KLHL13: variants seen among roughly 807,000 people sequenced by gnomAD.
The protein encoded by KLHL13 is kelch-like protein 13.
A neutral mutation model predicts 37.1 loss-of-function variants in KLHL13; 10 were observed. The ratio of observed to expected loss-of-function variants is 0.27; its 90% CI spans 0.17 to 0.46. The LOEUF (loss-of-function observed/expected upper bound fraction) is 0.46. KLHL13 is among the 20% of genes least tolerant of loss of function. The probability of loss-of-function intolerance (pLI) is 1.00; values close to 1 mark genes in which losing one functional copy is unlikely to be tolerated. For synonymous variants in KLHL13, 163 were observed against 181.2 expected (o/e 0.90, Z 0.81); for missense variants, 360 against 509.3 (o/e 0.71, Z 2.82).
chrX:117,914,022 AC>A (rs1931173430), intron 4 of KLHL13, among the ~76,000 whole-genome samples: 1 of 110,642 alleles, frequency 9.0e-6, no homozygotes, highest in Non-Finnish European at 1.9e-5. Flanking sequence ...GGCACTTCCA[AC>A]ATCATAATAT....
chrX:118,100,706 A>G (rs1309889149), intron 1 of KLHL13, among the ~76,000 whole-genome samples: 2 of 111,290 alleles, frequency 1.8e-5, no homozygotes, highest in Non-Finnish European at 3.8e-5. Flanking sequence ...TTTCTGGCCC[A>G]ATTTTTCTGT....
intron 1 of KLHL13, among the ~76,000 whole-genome samples, chrX:118,032,793 G>A (rs962101547): frequency 6.3e-5 from 7 of 111,896 alleles, no homozygotes; most frequent in African/African-American, 1.9e-4. Flanking sequence ...AAATTACTCC[G>A]AGCTAAGGGA....
At chrX:117,995,673 C>T (rs1285885586) in intron 1 of KLHL13, among the ~76,000 whole-genome samples, 1 of 111,341 alleles carries the variant, frequency 9.0e-6, no homozygotes, top group Admixed American at 9.6e-5. Context: ...CTCCTCCCTG[C>T]CCCTAGCCCC....
In KLHL13 at chrX:118,069,439, AAC is replaced by A. The variant is rs777940117; in HGVS notation, c.-56+47067_-56+47068del. Among the ~76,000 whole-genome samples, 1,043 of 106,701 alleles carry A rather than the reference AAC, an allele frequency of 9.8e-3. 15 individuals are homozygous for A. The highest frequency in any genetic ancestry group is 0.03 in the African/African-American group (873 of 28,899). 92.7% of individuals were successfully genotyped at this position (106,701 alleles called of 115,157 possible). On this transcript the variant is annotated intron_variant, in intron 1 of 6. Transcript: ENST00000371882. ...AAAATGTAAAAAAAAAAAAAAAAAA[AAC>A]AATTTTAAAAATAGAAAAAGGCATA...
chrX:118,092,985 A>C (rs5956009), intron 1 of KLHL13, among the ~76,000 whole-genome samples: 23,060 of 110,870 alleles, frequency 0.21, 3,721 homozygotes, highest in African/African-American at 0.56. Context: ...AATAGTGAAA[A>C]AATTTTAAAA....
chrX:117,940,870 A>G (rs1932988007), intron 2 of KLHL13, among the ~76,000 whole-genome samples: 1 of 111,931 alleles, frequency 8.9e-6, no homozygotes, highest in Non-Finnish European at 1.9e-5. Flanking sequence ...TTCTAAATAT[A>G]CAATCATGTC....
chrX:118,027,736 T>C (rs2054291266), intron 1 of KLHL13, among the ~76,000 whole-genome samples: 1 of 110,584 alleles, frequency 9.0e-6, no homozygotes, highest in African/African-American at 3.3e-5. Flanking sequence ...ATGTAGGTAC[T>C]ATTATTAACA....
intron 1 of KLHL13, among the ~76,000 whole-genome samples, chrX:118,077,953 G>GT (rs1453039654): frequency 8.9e-6 from 1 of 111,967 alleles, no homozygotes; most frequent in African/African-American, 3.2e-5. Flanking sequence ...ATTATTATAA[G>GT]TTTTTTTCCT....
At chrX:118,020,692 C>T (rs909393388) in intron 1 of KLHL13, among the ~76,000 whole-genome samples, 4 of 110,209 alleles carry the variant, frequency 3.6e-5, no homozygotes, top group Non-Finnish European at 7.6e-5. Flanking sequence ...CACATGCACA[C>T]GTATGTTTAT....
chrX:118,018,088 T>G (rs987694178), intron 1 of KLHL13, among the ~76,000 whole-genome samples: 5 of 111,555 alleles, frequency 4.5e-5, no homozygotes, highest in African/African-American at 1.6e-4. Context: ...CTTCTCCCTA[T>G]AGCTCATAAA....
chrX:117,981,757 G>T lies in KLHL13; in HGVS notation c.-55-36182C>A, dbSNP rs772074099. On this transcript the variant is annotated intron_variant, in intron 1 of 6. Coordinates refer to the KLHL13 transcript ENST00000371882. ...TAGAAATATCAATTTTTCAGATTCA[G>T]ATTTGTAAAGCACAGAACAACATAA... Among the ~76,000 whole-genome samples the T allele has an allele frequency of 4.5e-5, 5 of 111,374 alleles. No homozygotes were observed. In the South Asian group the frequency reaches 1.9e-3, roughly 42 times the overall value.
intron 1 of KLHL13, among the ~76,000 whole-genome samples, chrX:118,049,697 T>C (rs1187674902): frequency 3.6e-5 from 4 of 111,174 alleles, no homozygotes; most frequent in Non-Finnish European, 7.5e-5. Context: ...TAAAGCCTAT[T>C]TCAGAACGCT....
chrX:117,998,540 G>A (rs1277452376), intron 1 of KLHL13, among the ~76,000 whole-genome samples: 3 of 111,484 alleles, frequency 2.7e-5, no homozygotes, highest in Admixed American at 9.5e-5. Context: ...CTAGGGCTGA[G>A]AAAGAGCACC....
chrX:117,923,235 TGGTTCGAA>T (rs1401221838), intron 2 of KLHL13, among the ~76,000 whole-genome samples: 1 of 111,598 alleles, frequency 9.0e-6, no homozygotes, highest in Non-Finnish European at 1.9e-5. Flanking sequence ...CTGGAGTTGT[TGGTTCGAA>T]GGATATTTAT....
intron 1 of KLHL13, among the ~76,000 whole-genome samples, chrX:118,039,346 G>T (rs780077819): frequency 6.2e-5 from 7 of 112,096 alleles, no homozygotes; most frequent in African/African-American, 2.3e-4. Flanking sequence ...TGGCCAGAGG[G>T]GAGCCCACTG....
chrX:118,010,165 T>G (rs1188556971), intron 1 of KLHL13, among the ~76,000 whole-genome samples: 1 of 98,653 alleles, frequency 1.0e-5, no homozygotes, highest in African/African-American at 3.7e-5. Context: ...GTTCAACCAT[T>G]GTGGAAGACA....
chrX:117,910,904 A>G (rs997465844), intron 4 of KLHL13, among the ~76,000 whole-genome samples: 1 of 111,408 alleles, frequency 9.0e-6, no homozygotes, highest in African/African-American at 3.3e-5. Context: ...TCTCCCCACC[A>G]TAGAGCAAAA....
intron 1 of KLHL13, among the ~76,000 whole-genome samples, chrX:117,980,057 C>A (rs1335845735): frequency 8.9e-6 from 1 of 112,010 alleles, no homozygotes; most frequent in Non-Finnish European, 1.9e-5. Flanking sequence ...TCATATGAAG[C>A]TTTCCAAATA....
chrX:118,070,763 TTTA>T (rs1452712258), intron 1 of KLHL13, among the ~76,000 whole-genome samples: 1 of 109,052 alleles, frequency 9.2e-6, no homozygotes, highest in Non-Finnish European at 1.9e-5. Context: ...TATTTATTTA[TTTA>T]TTATTATACT....
Sources: allele counts gnomAD v4.1 joint callset (sites outside exome capture counted in the v4.1 genomes callset), GRCh38; gene constraint gnomAD v4.1.1; transcripts MANE v1.5; gene names NCBI Gene and HGNC (gene_info 2026-07-23, HGNC 2026-07-21).